Variants in HMCN2 observed in about 807,000 individuals in gnomAD.
HMCN2 encodes the protein hemicentin-2.
A neutral mutation model predicts 377.5 loss-of-function variants in HMCN2; 325 were observed. The observed-to-expected ratio is 0.86, with a 90% CI of 0.79 to 0.94. HMCN2 has a LOEUF of 0.94. Among genes scored for constraint, HMCN2 ranks in the 40% least tolerant of loss-of-function variants. The probability of loss-of-function intolerance (pLI) is 0.00; values close to 1 mark genes in which losing one functional copy is unlikely to be tolerated. For missense variants in HMCN2, 4,543 were observed against 4,725.3 expected, an observed-to-expected ratio of 0.96 and a Z score of 1.13; for synonymous variants, 2,007 against 2,046.8, an observed-to-expected ratio of 0.98 and a Z score of 0.53.
intron 15 of HMCN2, among the ~76,000 whole-genome samples, chr9:130,319,291 G>A (rs1352729309): frequency 2.0e-5 from 3 of 152,086 alleles, no homozygotes; most frequent in African/African-American, 7.2e-5. Flanking sequence ...ACCATCCCAC[G>A]AGTCACTCCC....
intron 15 of HMCN2, among the ~76,000 whole-genome samples, chr9:130,314,188 CT>C: frequency 6.6e-6 from 1 of 152,220 alleles, no homozygotes; most frequent in Middle Eastern, 3.4e-3. Flanking sequence ...AGGAGATGTG[CT>C]GTTTTGGACA....
intron 2 of HMCN2, 83 bp downstream of exon 2, chr9:130,284,756 C>T: frequency 2.2e-6 from 1 of 459,694 alleles, no homozygotes; most frequent in Non-Finnish European, 4.5e-6. Flanking sequence ...TCGAGTGATT[C>T]CCTCTTGCCC....
chr9:130,332,082 G>A (rs1277203709), intron 22 of HMCN2, among the ~76,000 whole-genome samples: 1 of 152,186 alleles, frequency 6.6e-6, no homozygotes, highest in African/African-American at 2.4e-5. Flanking sequence ...GGCAGGGAAA[G>A]CAGCTCACTG....
At chr9:130,409,169 G>C (rs941586808) in intron 84 of HMCN2, among the ~76,000 whole-genome samples, 1 of 152,188 alleles carries the variant, frequency 6.6e-6, no homozygotes, top group African/African-American at 2.4e-5. Flanking sequence ...TACCTCATAG[G>C]ATTGTAATTA....
At position 130,354,933 on chromosome 9, in the gene HMCN2, G is replaced by A. The variant is rs770764801; in HGVS notation, c.5035G>A (p.Gly1679Arg). The change falls in exon 32 of 98, where the codon GGG becomes AGG. Residue 1679 changes from glycine (G) to arginine (R), a missense_variant. Physicochemically the swap from Gly to Arg is moderately radical, Grantham distance 125. Around this residue, in one of 5 missense-constraint regions of HMCN2, gnomAD observed 1,032 missense variants for 1,285.1 expected, o/e 0.80. Coordinates refer to ENST00000683500, the MANE Select transcript of HMCN2 (RefSeq NM_001291815.2). ...CAACGAGTCGCGGCTGGAGACAGAC[G>A]GGAGTGTGCTGAGGCTGGAGAGCCC... ...ESNESRLETD[G>R]SVLRLESPGE... The A allele has an allele frequency of 1.4e-5, 18 of 1,303,618 alleles. No homozygotes were observed. The highest frequency in any genetic ancestry group is 5.5e-5 in the East Asian group (1 of 18,030). 80.8% of individuals were successfully genotyped at this position (1,303,618 alleles called of 1,614,324 possible). A position where few individuals can be genotyped will look rare whatever the true frequency, so the allele number is the denominator to read the frequency against.
chr9:130,408,958 G>A (rs1843261098), intron 84 of HMCN2, 25 bp downstream of exon 84: 1 of 1,277,806 alleles, frequency 7.8e-7, no homozygotes, highest in African/African-American at 1.5e-5. Context: ...GGCACCTTGG[G>A]TGGGGCCACT....
At chr9:130,318,282 C>G (rs889369135) in intron 15 of HMCN2, among the ~76,000 whole-genome samples, 9 of 151,994 alleles carry the variant, frequency 5.9e-5, no homozygotes, top group African/African-American at 2.2e-4. Flanking sequence ...AAGGGTATTT[C>G]TGGAGACAGA....
chr9:130,363,958 A>G (rs1564818910), intron 40 of HMCN2, among the ~76,000 whole-genome samples: 1 of 151,966 alleles, frequency 6.6e-6, no homozygotes, highest in Non-Finnish European at 1.5e-5. Flanking sequence ...GAAAGAAAAA[A>G]AGAGAAGGAA....
intron 1 of HMCN2, among the ~76,000 whole-genome samples, chr9:130,278,271 C>T (rs1361897402): frequency 1.3e-5 from 2 of 151,618 alleles, no homozygotes; most frequent in African/African-American, 2.4e-5. Context: ...ACTACAGGCG[C>T]CCACCACCAC....
At chr9:130,353,710 G>C (rs1839856460) in intron 31 of HMCN2, among the ~76,000 whole-genome samples, 3 of 152,190 alleles carry the variant, frequency 2.0e-5, no homozygotes, top group African/African-American at 7.2e-5. Context: ...GTGGAACCCG[G>C]TCCTTACGCG....
intron 23 of HMCN2, among the ~76,000 whole-genome samples, chr9:130,339,252 G>A (rs1214645917): frequency 1.3e-5 from 2 of 152,238 alleles, no homozygotes; most frequent in Non-Finnish European, 2.9e-5. Flanking sequence ...GCCCACGCAT[G>A]TTTATCTATG....
At chr9:130,336,893 G>A (rs1838783005) in intron 22 of HMCN2, among the ~76,000 whole-genome samples, 1 of 152,076 alleles carries the variant, frequency 6.6e-6, no homozygotes, top group Non-Finnish European at 1.5e-5. Context: ...TTCTATAAGG[G>A]GCTCTGTGAG....
At position 130,425,722 on chromosome 9, in the gene HMCN2, C is replaced by A. The variant is rs1433403922; in HGVS notation, c.13677C>A (p.Gly4559=). 6.5e-7 allele frequency: 1 copy of A among 1,550,038 alleles called. No individual in the cohort carries two copies. The highest frequency in any genetic ancestry group is 8.7e-7 in the Non-Finnish European group (1 of 1,146,896). The change falls in exon 90 of 98, where the codon GGC becomes GGA. Residue 4559 remains glycine, a synonymous_variant. Coordinates refer to ENST00000683500, the MANE Select transcript of HMCN2 (RefSeq NM_001291815.2). The part of the protein sequence containing the change: ...FEEHYVQTGP[G]QLFVGSTQRF... ...AGCACTACGTGCAAACAGGGCCTGG[C>A]CAGCTGTTCGTGGGCTCCACACAGC...
At chr9:130,342,942 C>T (rs1839138159) in intron 25 of HMCN2, among the ~76,000 whole-genome samples, 3 of 152,244 alleles carry the variant, frequency 2.0e-5, no homozygotes, top group Admixed American at 2.0e-4. Context: ...CTGCCCAGCG[C>T]CGAACCCTGC....
intron 4 of HMCN2, among the ~76,000 whole-genome samples, chr9:130,292,655 A>T (rs2131303796): frequency 6.6e-6 from 1 of 152,298 alleles, no homozygotes; most frequent in Middle Eastern, 3.4e-3. Context: ...AATGTGTTTC[A>T]ATTGAGCACA....
At chr9:130,408,005 G>T (rs1316142293) in intron 83 of HMCN2, among the ~76,000 whole-genome samples, 2 of 152,250 alleles carry the variant, frequency 1.3e-5, no homozygotes, top group Non-Finnish European at 2.9e-5. Flanking sequence ...CCTGCAGCTG[G>T]ATGGTGCCAG....
In HMCN2 at chr9:130,376,482, C is replaced by G. The variant is rs1399886939; in HGVS notation, c.7919-34C>G. On this transcript the variant is annotated intron_variant, in intron 51 of 97. Transcript: ENST00000683500. ...AGCTCAGGGTTTCAGCACCCATCCC[C>G]CAGCTCTGCTCTCAGACCCCTCGTG... 4.1e-6 allele frequency: 4 copies of G among 979,750 alleles called. No individual in the cohort carries two copies. In the African/African-American group the frequency reaches 5.2e-5, roughly 13 times the overall value. The allele number at this position is 979,750 out of a possible 1,614,324, so 60.7% of individuals were successfully genotyped here.
intron 1 of HMCN2, among the ~76,000 whole-genome samples, chr9:130,276,128 T>A (rs1182524772): frequency 2.0e-4 from 1 of 5,124 alleles, no homozygotes; most frequent in Non-Finnish European, 4.0e-4. Context: ...GGTGGGTGGG[T>A]GGGTGTGTCA....
Position 130,375,570 on chromosome 9 carries a change from C to T in HMCN2, c.7638C>T (p.Pro2546=). The change falls in exon 50 of 98, where the codon CCC becomes CCT. Residue 2546 remains proline (P), a synonymous_variant. Transcript: ENST00000683500. ...CCTGGCCCCCCATCACAGTGGCTCC[C>T]ACCATCCTGGGAGGGGCCGAGGACA... The part of the protein sequence containing the change: ...KHFQLSVLLA[P]TILGGAEDSA... 1 of 985,908 alleles carries T rather than the reference C, an allele frequency of 1.0e-6. No homozygotes were observed. The highest frequency in any genetic ancestry group is 4.7e-5 in the South Asian group (1 of 21,282). 61.1% of individuals were successfully genotyped at this position (985,908 alleles called of 1,614,324 possible).
Sources: gnomAD v4.1 joint callset for allele counts (sites outside exome capture counted in the v4.1 genomes callset) on GRCh38, gnomAD v4.1.1 for gene constraint, gnomAD v4.1.1 regional missense constraint, MANE v1.5 for transcripts, NCBI Gene and HGNC (gene_info 2026-07-23, HGNC 2026-07-21) for gene names.